The following SPOCK1 variants were observed in gnomAD, a reference collection of about 807,000 sequenced individuals.
The protein encoded by SPOCK1 is testican-1.
A neutral mutation model predicts 55.3 loss-of-function variants in SPOCK1; 23 were observed. The observed-to-expected ratio is 0.42, with a 90% CI of 0.30 to 0.59. The LOEUF (loss-of-function observed/expected upper bound fraction) is 0.59, where lower values mean the gene tolerates loss of function less well. Among genes scored for constraint, SPOCK1 ranks in the 20% least tolerant of loss-of-function variants. The pLI, the probability that SPOCK1 is intolerant of heterozygous loss-of-function variation, is 0.22. For synonymous variants in SPOCK1, 226 were observed against 221.0 expected, an observed-to-expected ratio of 1.02 and a Z score of -0.20; for missense variants, 499 against 552.5, an observed-to-expected ratio of 0.90 and a Z score of 0.97.
intron 1 of SPOCK1, 64 bp from the exon 2 acceptor site, chr5:137,498,622 C>CA: frequency 8.2e-7 from 1 of 1,225,492 alleles, no homozygotes; most frequent in East Asian, 3.4e-5. Flanking sequence ...CCCGGGCACC[C>CA]AGGCGTCCCA....
At chr5:137,203,881 G>A (rs186240572) in intron 3 of SPOCK1, among the ~76,000 whole-genome samples, 55 of 152,304 alleles carry the variant, frequency 3.6e-4, no homozygotes, top group Admixed American at 3.5e-3. Flanking sequence ...GGACATTATG[G>A]AAAATCCCTC....
chr5:137,373,055 T>C (rs1042129853), intron 2 of SPOCK1, among the ~76,000 whole-genome samples: 1 of 152,196 alleles, frequency 6.6e-6, no homozygotes, highest in African/African-American at 2.4e-5. Flanking sequence ...CCCTTCCACC[T>C]TCCACCATGT....
rs771665370 is a variant in SPOCK1, at chr5:136,992,527, C to A, written c.663G>T (p.Ala221=). The change falls in exon 7 of 11, where the codon GCG becomes GCT. Residue 221 remains alanine, a synonymous_variant. Coordinates refer to ENST00000394945, the MANE Select transcript of SPOCK1 (RefSeq NM_004598.4). The stretch of plus-strand genomic sequence containing the variant: ...AGCTGGTGGGCTTGATGACTCTGTT[C>A]GCATCCTCGTGGAGAGCTCCAAACC... The part of the protein sequence containing the change: ...KDWFGALHED[A]NRVIKPTSSN... The A allele has an allele frequency of 6.2e-7, 1 of 1,613,744 alleles. No homozygotes were observed. The highest frequency in any genetic ancestry group is 8.5e-7 in the Non-Finnish European group (1 of 1,179,844).
At chr5:137,161,340 G>A (rs1754554372) in intron 3 of SPOCK1, among the ~76,000 whole-genome samples, 1 of 151,744 alleles carries the variant, frequency 6.6e-6, no homozygotes, top group South Asian at 2.1e-4. Flanking sequence ...CATGTCAGTT[G>A]AAATGCAGCA....
At chr5:137,487,064 C>T (rs1185913439) in intron 2 of SPOCK1, among the ~76,000 whole-genome samples, 1 of 152,172 alleles carries the variant, frequency 6.6e-6, no homozygotes, top group East Asian at 1.9e-4. Context: ...ATGGAAAGAC[C>T]TCCAAATAGC....
At chr5:137,019,921 G>A (rs1751534648) in intron 6 of SPOCK1, among the ~76,000 whole-genome samples, 1 of 151,916 alleles carries the variant, frequency 6.6e-6, no homozygotes, top group Non-Finnish European at 1.5e-5. Context: ...ATATAAGTTA[G>A]AGCTAAAGTA....
At chr5:137,175,681 C>G (rs531286654) in intron 3 of SPOCK1, among the ~76,000 whole-genome samples, 35 of 152,150 alleles carry the variant, frequency 2.3e-4, no homozygotes, top group Non-Finnish European at 4.4e-4. Flanking sequence ...ATAATTATAG[C>G]TATCTCGCTT....
chr5:137,443,348 T>C (rs1158800951), intron 2 of SPOCK1, among the ~76,000 whole-genome samples: 4 of 152,186 alleles, frequency 2.6e-5, no homozygotes, highest in Non-Finnish European at 4.4e-5. Context: ...CTTCTCAGTG[T>C]CCTTTGTGTG....
At chr5:137,308,843 C>A (rs150823037) in intron 2 of SPOCK1, among the ~76,000 whole-genome samples, 7 of 152,208 alleles carry the variant, frequency 4.6e-5, no homozygotes, top group Non-Finnish European at 7.4e-5. Flanking sequence ...TCTAAACATA[C>A]TGATGTATAA....
chr5:137,052,578 ATTG>A (rs1237188969), intron 6 of SPOCK1, among the ~76,000 whole-genome samples: 1 of 152,172 alleles, frequency 6.6e-6, no homozygotes, highest in Non-Finnish European at 1.5e-5. Context: ...ATTAATATAC[ATTG>A]TTGTTCATAA....
chr5:137,022,025 TAG>T (rs1234356415), intron 6 of SPOCK1, among the ~76,000 whole-genome samples: 2 of 152,172 alleles, frequency 1.3e-5, no homozygotes, highest in African/African-American at 4.8e-5. Flanking sequence ...CACACTTGCT[TAG>T]AGAGATGGCA....
At chr5:137,233,035 A>G (rs1756096437) in intron 3 of SPOCK1, among the ~76,000 whole-genome samples, 1 of 152,132 alleles carries the variant, frequency 6.6e-6, no homozygotes, top group South Asian at 2.1e-4. Context: ...TCCTTTCTAG[A>G]CCTGCATCAC....
Position 137,143,325 on chromosome 5 carries a change from C to G in SPOCK1, c.233-2631G>C, listed in dbSNP as rs183151412. 1.9e-4 allele frequency among the ~76,000 whole-genome samples: 29 copies of G among 152,314 alleles called. No homozygotes were observed. The South Asian group carries it at 3.5e-3, about 19-fold the overall frequency. On this transcript the variant is annotated intron_variant, in intron 3 of 10. Coordinates refer to ENST00000394945, the MANE Select transcript of SPOCK1 (RefSeq NM_004598.4). ...TTTGAGCTTATTTTTGCCTCTGTAT[C>G]CAACTTTGTTAACATGCCACACTGT...
chr5:137,055,663 G>T (rs1752287698), intron 6 of SPOCK1, among the ~76,000 whole-genome samples: 1 of 152,164 alleles, frequency 6.6e-6, no homozygotes, highest in Non-Finnish European at 1.5e-5. Flanking sequence ...TCTCACAAGG[G>T]CACAAGGAAA....
intron 3 of SPOCK1, among the ~76,000 whole-genome samples, chr5:137,235,554 T>A (rs1756163237): frequency 6.6e-6 from 1 of 152,214 alleles, no homozygotes; most frequent in African/African-American, 2.4e-5. Context: ...GGCAGAAAGA[T>A]GCCTACGTTT....
intron 6 of SPOCK1, among the ~76,000 whole-genome samples, chr5:137,060,633 TA>T (rs35150237): frequency 0.44 from 65,809 of 149,442 alleles, 16,768 homozygotes; most frequent in Non-Finnish European, 0.57. Flanking sequence ...ATTTTGTACA[TA>T]AAAAAAAAAA....
chr5:137,042,829 A>C (rs1051088979), intron 6 of SPOCK1, among the ~76,000 whole-genome samples: 14 of 152,156 alleles, frequency 9.2e-5, no homozygotes, highest in African/African-American at 3.1e-4. Flanking sequence ...ATATAGAATA[A>C]TTTATAAATG....
chr5:137,256,838 G>A (rs987434715), intron 3 of SPOCK1, among the ~76,000 whole-genome samples: 18 of 152,142 alleles, frequency 1.2e-4, no homozygotes, highest in Non-Finnish European at 1.5e-5. Flanking sequence ...ACAAGCAAAA[G>A]ACAAGAAGAG....
At chr5:137,351,709 G>A (rs1750685019) in intron 2 of SPOCK1, among the ~76,000 whole-genome samples, 1 of 152,154 alleles carries the variant, frequency 6.6e-6, no homozygotes, top group African/African-American at 2.4e-5. Flanking sequence ...CAATCATATG[G>A]TAACTAAACA....
Sources: allele counts gnomAD v4.1 joint callset (sites outside exome capture counted in the v4.1 genomes callset), GRCh38; gene constraint gnomAD v4.1.1; transcripts MANE v1.5; gene names NCBI Gene and HGNC (gene_info 2026-07-23, HGNC 2026-07-21).